FGD6: variants seen among roughly 807,000 people sequenced by gnomAD.
FGD6 encodes the protein FYVE, RhoGEF and PH domain-containing protein 6.
In FGD6, 90 loss-of-function variants were observed where a neutral mutation model predicts 149.4. The ratio of observed to expected loss-of-function variants is 0.60; its 90% CI spans 0.51 to 0.72. The LOEUF (loss-of-function observed/expected upper bound fraction) is 0.72, where lower values mean the gene tolerates loss of function less well. FGD6 is among the 30% of genes least tolerant of loss of function. The probability of loss-of-function intolerance (pLI) is 0.00; values close to 1 mark genes in which losing one functional copy is unlikely to be tolerated. For synonymous variants in FGD6, 527 were observed against 584.0 expected, an observed-to-expected ratio of 0.90 and a Z score of 1.41; for missense variants, 1,437 against 1,684.8, an observed-to-expected ratio of 0.85 and a Z score of 2.57.
chr12:95,101,212 C>T (rs1019253777), intron 14 of FGD6, among the ~76,000 whole-genome samples: 4 of 150,876 alleles, frequency 2.7e-5, no homozygotes, highest in African/African-American at 9.7e-5. Flanking sequence ...CCGGGCATGG[C>T]GGCGCACCCC....
chr12:95,106,658 G>A (rs1042710755), intron 13 of FGD6, among the ~76,000 whole-genome samples: 38 of 152,054 alleles, frequency 2.5e-4, no homozygotes, highest in Admixed American at 6.6e-5. Flanking sequence ...CACTTTGGGA[G>A]GCCAAGGCAG....
rs186510892 is a variant in FGD6 at position 95,086,812 on chromosome 12, C to T, written c.3979-904G>A. On this transcript the variant is annotated intron_variant, in intron 18 of 20. Coordinates refer to ENST00000343958, the MANE Select transcript of FGD6 (RefSeq NM_018351.4). ...CCACCCGCCTTGGCCTCCCAAAGTG[C>T]TGGGATTACAGGCGTGAGCCACCAC... is the stretch of plus-strand genomic sequence containing the variant. Among the ~76,000 whole-genome samples, 1,293 of 144,524 alleles carry T rather than the reference C, an allele frequency of 8.9e-3. 17 individuals are homozygous for T. The highest frequency in any genetic ancestry group is 0.02 in the South Asian group (92 of 4,526). The allele number at this position is 144,524 out of a possible 152,430, so 94.8% of individuals were successfully genotyped here.
intron 3 of FGD6, among the ~76,000 whole-genome samples, chr12:95,156,285 A>AT: frequency 6.6e-6 from 1 of 152,296 alleles, no homozygotes; most frequent in East Asian, 1.9e-4. Context: ...ATATCGCTGA[A>AT]TTCTTTTTCT....
chr12:95,081,619 T>C (rs1877674044), intron 20 of FGD6, 63 bp from the exon 21 acceptor site: 6 of 1,146,826 alleles, frequency 5.2e-6, no homozygotes, highest in African/African-American at 1.5e-5. Flanking sequence ...GAACACCATA[T>C]AGATGACAGC....
chr12:95,117,040 C>A, intron 8 of FGD6: 1 of 353,590 alleles, frequency 2.8e-6, no homozygotes, highest in South Asian at 2.2e-5. Context: ...CATAGTGAAC[C>A]ACCTATTACC....
chr12:95,126,026 A>G, intron 8 of FGD6: 1 of 1,322,868 alleles, frequency 7.6e-7, no homozygotes, highest in Non-Finnish European at 1.1e-6. Flanking sequence ...GGGCAGCCAC[A>G]CAATGGGCCA....
intron 2 of FGD6, among the ~76,000 whole-genome samples, chr12:95,174,447 G>GA (rs1386877456): frequency 6.6e-6 from 1 of 152,132 alleles, no homozygotes; most frequent in Non-Finnish European, 1.5e-5. Flanking sequence ...AAGCTCCTCA[G>GA]AAAACACACG....
At chr12:95,158,129 C>A (rs955813352) in intron 3 of FGD6, among the ~76,000 whole-genome samples, 1 of 146,834 alleles carries the variant, frequency 6.8e-6, no homozygotes, top group African/African-American at 2.5e-5. Context: ...GGATTACAGG[C>A]ATGAGCCACC....
At chr12:95,157,288 T>C (rs760313345) in intron 3 of FGD6, among the ~76,000 whole-genome samples, 1 of 152,182 alleles carries the variant, frequency 6.6e-6, no homozygotes, top group Non-Finnish European at 1.5e-5. Flanking sequence ...AATACTGGGC[T>C]GGGTGCGGTG....
At chr12:95,113,048 G>A (rs1049805081) in intron 9 of FGD6, among the ~76,000 whole-genome samples, 1 of 152,092 alleles carries the variant, frequency 6.6e-6, no homozygotes, top group African/African-American at 2.4e-5. Flanking sequence ...GAGCACAGGA[G>A]GGCAAAGATT....
chr12:95,136,333 G>A (rs1879665967), intron 7 of FGD6, among the ~76,000 whole-genome samples: 1 of 152,134 alleles, frequency 6.6e-6, no homozygotes, highest in African/African-American at 2.4e-5. Context: ...ACTCCAGCCT[G>A]GGCGACAGAG....
intron 13 of FGD6, among the ~76,000 whole-genome samples, chr12:95,106,414 G>A (rs1878626317): frequency 6.7e-6 from 1 of 149,290 alleles, no homozygotes; most frequent in Admixed American, 6.7e-5. Context: ...GGGATTACAG[G>A]TGTGCGCCAC....
chr12:95,177,146 A>G (rs927214599), intron 2 of FGD6, among the ~76,000 whole-genome samples: 13 of 152,320 alleles, frequency 8.5e-5, no homozygotes, highest in Non-Finnish European at 1.6e-4. Context: ...TTTTTTAAAA[A>G]TACTAAATCC....
chr12:95,164,173 C>G (rs1880725851), intron 3 of FGD6, among the ~76,000 whole-genome samples: 1 of 151,454 alleles, frequency 6.6e-6, no homozygotes, highest in Admixed American at 6.6e-5. Context: ...AACCTTTGAT[C>G]TGAAATCTAG....
chr12:95,154,098 TACA>T (rs1880396964), intron 3 of FGD6, among the ~76,000 whole-genome samples: 1 of 152,110 alleles, frequency 6.6e-6, no homozygotes, highest in Non-Finnish European at 1.5e-5. Flanking sequence ...TAGCTGGGAC[TACA>T]GGTGCGTGCC....
intron 2 of FGD6, among the ~76,000 whole-genome samples, chr12:95,204,710 G>GCACACACACA (rs60459798): frequency 1.1e-4 from 17 of 151,178 alleles, no homozygotes; most frequent in African/African-American, 3.9e-4. Flanking sequence ...GCATGCACGC[G>GCACACACACA]CACACACACA....
At chr12:95,178,939 C>G (rs557443681) in intron 2 of FGD6, among the ~76,000 whole-genome samples, 3 of 152,182 alleles carry the variant, frequency 2.0e-5, no homozygotes, top group Non-Finnish European at 2.9e-5. Flanking sequence ...GCCTTTCAAA[C>G]TAGCAAGCTA....
chr12:95,179,364 G>C (rs1048964213), intron 2 of FGD6, among the ~76,000 whole-genome samples: 1 of 151,946 alleles, frequency 6.6e-6, no homozygotes, highest in Non-Finnish European at 1.5e-5. Flanking sequence ...TTGCATGGTG[G>C]TATGTGCCTG....
chr12:95,103,680 A>C (rs1360234765), intron 14 of FGD6, among the ~76,000 whole-genome samples: 2 of 152,152 alleles, frequency 1.3e-5, no homozygotes, highest in African/African-American at 4.8e-5. Context: ...GATCATAGGC[A>C]CATGCCACCA....
Sources: gnomAD v4.1 joint callset for allele counts (sites outside exome capture counted in the v4.1 genomes callset) on GRCh38, gnomAD v4.1.1 for gene constraint, MANE v1.5 for transcripts, NCBI Gene and HGNC (gene_info 2026-07-23, HGNC 2026-07-21) for gene names.